TMEM129: variants seen among roughly 807,000 people sequenced by gnomAD.
TMEM129 encodes E3 ubiquitin-protein ligase TM129.
A neutral mutation model predicts 34.1 loss-of-function variants in TMEM129; 35 were observed. The observed-to-expected ratio is 1.03, with a 90% CI of 0.78 to 1.36. TMEM129 has a LOEUF of 1.36. Ranked by LOEUF, TMEM129 falls within the 40% of genes most tolerant of loss-of-function variation. The pLI is 0.00. For missense variants in TMEM129, 504 were observed against 512.6 expected, an observed-to-expected ratio of 0.98 and a Z score of 0.16; for synonymous variants, 239 against 217.3, an observed-to-expected ratio of 1.10 and a Z score of -0.88.
In TMEM129 at chr4:1,717,526, G is replaced by A. The variant is rs1362549850; in HGVS notation, c.830C>T (p.Pro277Leu). The change falls in exon 3 of 4, where the codon CCC becomes CTC. Residue 277 changes from proline (P) to leucine (L), a missense_variant. Coordinates refer to ENST00000382936, the MANE Select transcript of TMEM129 (RefSeq NM_001127266.2). ...LVEVNPAYSV[P>L]SSQELEACIG... ...GCCCAGGCCCCCCACCTGGCTGCTG[G>A]GCACTGAGTAGGCCGGGTTGACCTC... The A allele has an allele frequency of 6.5e-7, 1 of 1,527,852 alleles. No individual in the cohort carries two copies. The highest frequency in any genetic ancestry group is 2.0e-5 in the Admixed American group (1 of 49,404). 94.6% of individuals were successfully genotyped at this position (1,527,852 alleles called of 1,614,324 possible).
intron 1 of TMEM129, chr4:1,719,029 A>C: frequency 7.7e-7 from 1 of 1,293,022 alleles, no homozygotes; most frequent in South Asian, 1.2e-5. Context: ...CCCAGAGCTG[A>C]AAAGTTATGT....
Position 1,717,217 on chromosome 4 carries a change from G to C in TMEM129, c.1052C>G (p.Ala351Gly). The C allele has an allele frequency of 2.0e-6, 3 of 1,492,994 alleles. No individual in the cohort carries two copies. Among genetic ancestry groups the C allele is most frequent in the Non-Finnish European group, 2.7e-6 (3 of 1,114,604 alleles). 92.5% of individuals were successfully genotyped at this position (1,492,994 alleles called of 1,614,324 possible). Residue 351 changes from alanine (A) to glycine (G), a missense_variant, in exon 4 of 4, where the codon GCA (alanine) becomes GGA (glycine). Physicochemically the swap from Ala to Gly is moderately conservative, Grantham distance 60. Transcript: ENST00000382936. ...ASRVPCPTCR[A>G]RFCILDVCTV... ...GCACACATCCAGGATGCAGAAGCGT[G>C]CGCGGCAGGTGGGGCAGGGCACGCG...
intron 2 of TMEM129, 188 bp from the exon 3 acceptor site, chr4:1,717,863 C>G: frequency 1.3e-6 from 1 of 791,992 alleles, no homozygotes; most frequent in Non-Finnish European, 1.9e-6. Context: ...AGGAGCAAGG[C>G]AGCTGTCCAG....
In TMEM129 at chr4:1,717,809, C is replaced by T. The variant is rs950068859; in HGVS notation, c.681-134G>A. ...GAGATGGCCCTAAGGCCAGAGCCCA[C>T]GGACCCAGTGCCAGACAGCCCAGCC... On this transcript the variant is annotated intron_variant, in intron 2 of 3. Transcript: ENST00000382936. 2.1e-5 allele frequency: 27 copies of T among 1,290,888 alleles called. No individual in the cohort carries two copies. In the African/African-American group the frequency reaches 2.4e-4, roughly 11 times the overall value. The allele number at this position is 1,290,888 out of a possible 1,614,324, so 80.0% of individuals were successfully genotyped here. A position where few individuals can be genotyped will look rare whatever the true frequency, so the allele number is the denominator to read the frequency against.
rs959199854 is a variant in TMEM129 at position 1,716,883 on chromosome 4, G to A, written c.*297C>T. The A allele has an allele frequency of 1.1e-5, 4 of 364,566 alleles. No individual in the cohort carries two copies. Among genetic ancestry groups the A allele is most frequent in the African/African-American group, 8.3e-5 (4 of 47,970 alleles). 22.6% of individuals were successfully genotyped at this position (364,566 alleles called of 1,614,324 possible). A position where few individuals can be genotyped will look rare whatever the true frequency, so the allele number is the denominator to read the frequency against. On this transcript the variant is annotated 3_prime_UTR_variant, in exon 4 of 4. Coordinates refer to ENST00000382936, the MANE Select transcript of TMEM129 (RefSeq NM_001127266.2). ...AGGGTCTCCAGGGAATGGCTCGGGG[G>A]CAGACGCTGTGTCTGTGTGTGCAGG...
chr4:1,717,219 G>A lies in TMEM129; in HGVS notation c.1050C>T (p.Arg350=), dbSNP rs758066316. Residue 350 remains arginine, a synonymous_variant, in exon 4 of 4, where the codon CGC becomes CGT. Coordinates refer to ENST00000382936, the MANE Select transcript of TMEM129 (RefSeq NM_001127266.2). Reference sequence around the variant, plus strand: ...ACACATCCAGGATGCAGAAGCGTGCGCGGCAGGTGGGGCAGGGCACGCGGC... The same window carrying A: ...ACACATCCAGGATGCAGAAGCGTGCACGGCAGGTGGGGCAGGGCACGCGGC... ...LASRVPCPTC[R]ARFCILDVCT... The A allele has an allele frequency of 1.8e-4, 263 of 1,494,672 alleles. No individual in the cohort carries two copies. The highest frequency in any genetic ancestry group is 7.2e-4 in the Middle Eastern group (4 of 5,546). The allele number at this position is 1,494,672 out of a possible 1,614,324, so 92.6% of individuals were successfully genotyped here.
Position 1,717,260 on chromosome 4 carries a change from CAG to C in TMEM129, c.1007_1008del (p.Pro336ArgfsTer33), listed in dbSNP as rs774863319. On this transcript the variant is annotated frameshift_variant, in exon 4 of 4. Coordinates refer to ENST00000382936, the MANE Select transcript of TMEM129 (RefSeq NM_001127266.2). LOFTEE classifies it high-confidence loss of function. The part of the protein sequence containing the change: ...WFASRQDPLR[P>X]DTWLASRVPC... ...GGCACGCGGCTGGCCAGCCAGGTGTCAGGGCGCAGGGGGTCCTGGCGGCTGGC... is the reference window on the plus strand; with the variant it reads ...GGCACGCGGCTGGCCAGCCAGGTGTCGGCGCAGGGGGTCCTGGCGGCTGGC... The C allele has an allele frequency of 3.9e-5, 60 of 1,523,394 alleles. No homozygotes were observed. The highest frequency in any genetic ancestry group is 1.6e-4 in the South Asian group (13 of 83,030). 94.4% of individuals were successfully genotyped at this position (1,523,394 alleles called of 1,614,324 possible).
chr4:1,717,762 G>T, intron 2 of TMEM129, 87 bp from the exon 3 acceptor site: 1 of 1,438,198 alleles, frequency 7.0e-7, no homozygotes, highest in Non-Finnish European at 9.2e-7. Context: ...CAGGGCAGCT[G>T]TCGCACCAGG....
In TMEM129 at chr4:1,718,306, T is replaced by C; in HGVS notation, c.526A>G (p.Thr176Ala). 1.9e-6 allele frequency: 3 copies of C among 1,613,232 alleles called. No individual in the cohort carries two copies. Among genetic ancestry groups the C allele is most frequent in the Non-Finnish European group, 2.5e-6 (3 of 1,179,846 alleles). ...VTDTWVMKVT[T>A]YRVHVAQQQD... ...TGCTGGGCCACGTGCACTCGGTAGG[T>C]GGTTACCTTCATCACCCACGTGTCT... The change falls in exon 2 of 4, where the codon ACC (threonine) becomes GCC (alanine). Residue 176 changes from threonine to alanine, a missense_variant. Transcript: ENST00000382936.
At chr4:1,719,196 A>G (rs1560279860) in intron 1 of TMEM129, 1 of 507,814 alleles carries the variant, frequency 2.0e-6, no homozygotes, top group Non-Finnish European at 3.7e-6. Flanking sequence ...GTTGGCAAAA[A>G]GTAATAGTCC....
intron 2 of TMEM129, 74 bp from the exon 3 acceptor site, chr4:1,717,749 T>C (rs968012606): frequency 1.4e-6 from 2 of 1,443,248 alleles, no homozygotes; most frequent in Non-Finnish European, 1.8e-6. Context: ...CCCCAAGGAG[T>C]GACAGGGCAG....
Position 1,718,429 on chromosome 4 carries a change from G to A in TMEM129, c.403C>T (p.Gln135Ter). ...GAGGCAACAGCCTGCCAGCCAGACT[G>A]TGGGAGGGCGTAGAGGGCCAGGGTG... ...ARTLALYALP[Q>*]SGWQAVASSV... The change falls in exon 2 of 4, where the codon CAG (glutamine) becomes TAG (stop). Residue 135 changes from glutamine to a stop codon, truncating the protein, a stop_gained. Coordinates refer to ENST00000382936, the MANE Select transcript of TMEM129 (RefSeq NM_001127266.2). LOFTEE classifies it high-confidence loss of function. 1 of 1,592,484 alleles carries A rather than the reference G, an allele frequency of 6.3e-7. No homozygotes were observed. The highest frequency in any genetic ancestry group is 1.1e-5 in the South Asian group (1 of 88,434).
intron 1 of TMEM129, chr4:1,719,220 G>A (rs889956315): frequency 8.5e-6 from 4 of 468,664 alleles, no homozygotes; most frequent in Non-Finnish European, 1.7e-5. Context: ...TTTGGAGTTG[G>A]CCCAGTCACT....
intron 1 of TMEM129, chr4:1,719,103 A>C (rs1365332466): frequency 5.1e-5 from 62 of 1,224,886 alleles, no homozygotes; most frequent in Non-Finnish European, 6.3e-5. Flanking sequence ...AGCCAGCTTC[A>C]GGGCCCTGCT....
intron 2 of TMEM129, 71 bp downstream of exon 2, chr4:1,718,081 G>C: frequency 7.3e-7 from 1 of 1,379,166 alleles, no homozygotes; most frequent in Non-Finnish European, 9.7e-7. Context: ...ACCTCCCAGG[G>C]GTCGTGGCAC....
Position 1,720,870 on chromosome 4 carries a change from C to T in TMEM129, c.-33G>A. ...CCGCCGGGAAGCTGTCGAGCTAGGC[C>T]CCCGCCCCGGCGCGCGGACGAGGCC... On this transcript the variant is annotated 5_prime_UTR_variant, in exon 1 of 4. Coordinates refer to ENST00000382936, the MANE Select transcript of TMEM129 (RefSeq NM_001127266.2). The surrounding 1 kb of genome is among the most constrained non-coding windows in gnomAD (Gnocchi z 4.4). 6.5e-7 allele frequency: 1 copy of T among 1,545,538 alleles called. No homozygotes were observed.
At chr4:1,719,343 G>T (rs940306222) in intron 1 of TMEM129, 2 of 410,642 alleles carry the variant, frequency 4.9e-6, no homozygotes, top group Non-Finnish European at 9.9e-6. Context: ...CACGAGGTCA[G>T]ATCGAGACCA....
Position 1,720,621 on chromosome 4 carries a change from G to A in TMEM129, c.205+12C>T, listed in dbSNP as rs1279985447. 6.5e-6 allele frequency: 10 copies of A among 1,534,696 alleles called. No individual in the cohort carries two copies. In the Admixed American group the frequency reaches 1.6e-4, roughly 24 times the overall value. ...AGGAGAGGATGCGGCCGGCCGGCCC[G>A]AGCAGCCTCACCGAGCGGCAGCAGC... is the stretch of plus-strand genomic sequence containing the variant. On this transcript the variant is annotated intron_variant, in intron 1 of 3. Coordinates refer to ENST00000382936, the MANE Select transcript of TMEM129 (RefSeq NM_001127266.2). The surrounding 1 kb of genome is among the most constrained non-coding windows in gnomAD (Gnocchi z 4.4).
Position 1,718,452 on chromosome 4 carries a change from G to T in TMEM129, c.380C>A (p.Thr127Asn), listed in dbSNP as rs138807061. Residue 127 changes from threonine (T) to asparagine (N), a missense_variant, in exon 2 of 4, where the codon ACC becomes AAC. Coordinates refer to ENST00000382936, the MANE Select transcript of TMEM129 (RefSeq NM_001127266.2). Reference sequence around the variant, plus strand: ...CTGTGGGAGGGCGTAGAGGGCCAGGGTGCGCGCCAGTGGGTGGCAGGCCCA... The same window carrying T: ...CTGTGGGAGGGCGTAGAGGGCCAGGTTGCGCGCCAGTGGGTGGCAGGCCCA... ...DRWACHPLAR[T>N]LALYALPQSG... 3.2e-5 allele frequency: 51 copies of T among 1,569,572 alleles called. No individual in the cohort carries two copies. The highest frequency in any genetic ancestry group is 3.0e-4 in the African/African-American group (22 of 74,086).
Sources: allele counts gnomAD v4.1 joint callset, GRCh38; gene constraint gnomAD v4.1.1; non-coding constraint Gnocchi (gnomAD v3.1); transcripts MANE v1.5; gene names NCBI Gene and HGNC (gene_info 2026-07-23, HGNC 2026-07-21).